Variants in RBFOX3 observed in about 807,000 individuals in gnomAD.
RBFOX3 encodes RNA binding fox-1 homolog 3.
A neutral mutation model predicts 48.7 loss-of-function variants in RBFOX3; 17 were observed. The observed-to-expected ratio is 0.35, with a 90% CI of 0.24 to 0.52. RBFOX3 has a LOEUF of 0.52. RBFOX3 is among the 20% of genes least tolerant of loss of function. The pLI, the probability that RBFOX3 is intolerant of heterozygous loss-of-function variation, is 0.94. For missense variants in RBFOX3, 382 were observed against 497.5 expected (o/e 0.77, Z 2.21); for synonymous variants, 212 against 209.5 (o/e 1.01, Z -0.10).
chr17:79,562,025 GGCAGCCACTCA>G (rs1196478471), intron 1 of RBFOX3, among the ~76,000 whole-genome samples: 2 of 152,196 alleles, frequency 1.3e-5, no homozygotes, highest in African/African-American at 2.4e-5. Context: ...AATGCAAGCT[GGCAGCCACTCA>G]GCAGCCACCA....
intron 1 of RBFOX3, among the ~76,000 whole-genome samples, chr17:79,495,883 C>A (rs2081456638): frequency 6.6e-6 from 1 of 151,608 alleles, no homozygotes; most frequent in Non-Finnish European, 1.5e-5. Context: ...TGGGCAGGGA[C>A]CCTGCAGGCC....
At chr17:79,502,734 G>A (rs2082548252) in intron 1 of RBFOX3, among the ~76,000 whole-genome samples, 1 of 152,244 alleles carries the variant, frequency 6.6e-6, no homozygotes, top group Non-Finnish European at 1.5e-5. Context: ...CCTTTACCAC[G>A]ACTCACTCAT....
At chr17:79,662,750 AG>A in the RBFOX3 span, among the ~76,000 whole-genome samples, 1 of 152,226 alleles carries the variant, frequency 6.6e-6, no homozygotes, top group Admixed American at 6.5e-5. Flanking sequence ...CCCAATAAAA[AG>A]TTTGTAGAGG....
chr17:79,349,228 C>T (rs1156732090), intron 2 of RBFOX3, among the ~76,000 whole-genome samples: 2 of 152,102 alleles, frequency 1.3e-5, no homozygotes, highest in Non-Finnish European at 2.9e-5. Context: ...TGCTCAGCCC[C>T]TGCACGTGCC....
chr17:79,272,707 C>G (rs2143808545), intron 3 of RBFOX3, among the ~76,000 whole-genome samples: 1 of 152,340 alleles, frequency 6.6e-6, no homozygotes, highest in Admixed American at 6.5e-5. Context: ...AGTTCCAGCT[C>G]TGTCATCGCA....
At position 79,593,296 on chromosome 17, in the gene RBFOX3, C is replaced by T. The variant is rs1030269203; in HGVS notation, c.-320+17530G>A. Among the ~76,000 whole-genome samples, 1,057 of 148,356 alleles carry T rather than the reference C, an allele frequency of 7.1e-3. 11 individuals carry two copies. Among genetic ancestry groups the T allele is most frequent in the African/African-American group, 0.023 (935 of 39,820 alleles). On this transcript the variant is annotated intron_variant, in intron 1 of 14. Coordinates refer to ENST00000693108, the MANE Select transcript of RBFOX3 (RefSeq NM_001350451.2). ...GTAAACTAAGTCTGTTTCTGGAGGG[C>T]GCGTCATGTGTGCACGCCTGTACAT...
At chr17:79,406,036 T>C (rs559341754) in intron 2 of RBFOX3, among the ~76,000 whole-genome samples, 19 of 152,344 alleles carry the variant, frequency 1.2e-4, no homozygotes, top group Admixed American at 3.3e-4. Flanking sequence ...TTGCCCCTTT[T>C]CATGGCTGTG....
intron 4 of RBFOX3, among the ~76,000 whole-genome samples, chr17:79,181,790 C>T (rs2052004147): frequency 6.6e-6 from 1 of 152,172 alleles, no homozygotes; most frequent in Non-Finnish European, 1.5e-5. Flanking sequence ...GACCCAAGTG[C>T]CCAGGGGCTA....
the RBFOX3 span, among the ~76,000 whole-genome samples, chr17:79,664,319 C>T: frequency 6.6e-6 from 1 of 151,614 alleles, no homozygotes; most frequent in African/African-American, 2.4e-5. Flanking sequence ...GGATTACAGG[C>T]ACGTGCCACC....
chr17:79,598,504 T>C (rs2093627243), intron 1 of RBFOX3: 2 of 152,200 alleles, frequency 1.3e-5, no homozygotes, highest in Non-Finnish European at 1.5e-5. Flanking sequence ...GGGAGACAAA[T>C]TCTGTCTCCA....
At chr17:79,660,828 G>A in the RBFOX3 span, among the ~76,000 whole-genome samples, 14 of 152,176 alleles carry the variant, frequency 9.2e-5, no homozygotes, top group African/African-American at 1.2e-4. Context: ...ATACATGCAC[G>A]TGTATGCCCA....
At chr17:79,509,220 G>A (rs1033569204) in intron 1 of RBFOX3, among the ~76,000 whole-genome samples, 3 of 152,202 alleles carry the variant, frequency 2.0e-5, no homozygotes, top group Admixed American at 6.5e-5. Flanking sequence ...GGAGGACAGC[G>A]GGGTCCCCAA....
chr17:79,105,373 C>T lies in RBFOX3; in HGVS notation c.361-1247G>A, dbSNP rs1057475670. On this transcript the variant is annotated intron_variant, in intron 6 of 14. Coordinates refer to ENST00000693108, the MANE Select transcript of RBFOX3 (RefSeq NM_001350451.2). The stretch of plus-strand genomic sequence containing the variant: ...GACAGGGGATGGTGTCCCCGTCCTG[C>T]AGGGACTGAGTGTATGTAAACAGGT... 7.9e-4 allele frequency among the ~76,000 whole-genome samples: 121 copies of T among 152,284 alleles called. 1 individual carries two copies. Among genetic ancestry groups the T allele is most frequent in the Middle Eastern group, 6.8e-3 (2 of 294 alleles).
At chr17:79,534,453 C>A (rs989928637) in intron 1 of RBFOX3, among the ~76,000 whole-genome samples, 1 of 152,218 alleles carries the variant, frequency 6.6e-6, no homozygotes, top group Non-Finnish European at 1.5e-5. Context: ...CCACAGGACT[C>A]ACATCAGCTG....
At chr17:79,620,648 CGG>C in the RBFOX3 span, among the ~76,000 whole-genome samples, 11 of 31,586 alleles carry the variant, frequency 3.5e-4, no homozygotes, top group Non-Finnish European at 1.2e-3. Flanking sequence ...CGCACACACA[CGG>C]ACATGCACAC....
At chr17:79,578,388 G>A (rs1254500053) in intron 1 of RBFOX3, among the ~76,000 whole-genome samples, 1 of 152,250 alleles carries the variant, frequency 6.6e-6, no homozygotes, top group East Asian at 1.9e-4. Context: ...CCCACTGCCT[G>A]GTACCCCTTG....
At chr17:79,207,132 A>C (rs779212724) in intron 4 of RBFOX3, among the ~76,000 whole-genome samples, 1 of 152,230 alleles carries the variant, frequency 6.6e-6, no homozygotes, top group African/African-American at 2.4e-5. Flanking sequence ...CCAAATGCTT[A>C]CTGGGTTAAA....
upstream of RBFOX3, among the ~76,000 whole-genome samples, chr17:79,611,366 A>G (rs2093968795): frequency 6.6e-6 from 1 of 151,334 alleles, no homozygotes; most frequent in Non-Finnish European, 1.5e-5. Flanking sequence ...GAGCGGGGAG[A>G]GCCATGACCG....
At chr17:79,620,454 C>T in the RBFOX3 span, among the ~76,000 whole-genome samples, 26 of 148,228 alleles carry the variant, frequency 1.8e-4, no homozygotes, top group Admixed American at 7.4e-4. Flanking sequence ...TGCACACATG[C>T]GCACACACAT....
Sources: allele counts gnomAD v4.1 joint callset (sites outside exome capture counted in the v4.1 genomes callset), GRCh38; gene constraint gnomAD v4.1.1; transcripts MANE v1.5; gene names NCBI Gene and HGNC (gene_info 2026-07-23, HGNC 2026-07-21).